Variants in CPN1 observed in about 807,000 individuals in gnomAD.
CPN1 encodes the protein carboxypeptidase N subunit 1.
In CPN1, 37 loss-of-function variants were observed where a neutral mutation model predicts 46.4. That is an observed-to-expected ratio of 0.80 (90% CI 0.61 to 1.05). The LOEUF (loss-of-function observed/expected upper bound fraction) is 1.05, where lower values mean the gene tolerates loss of function less well. Ranked by LOEUF, CPN1 falls within the 50% of genes least tolerant of loss-of-function variation. The probability of loss-of-function intolerance (pLI) is 0.00; values close to 1 mark genes in which losing one functional copy is unlikely to be tolerated. For missense variants in CPN1, 563 were observed against 602.6 expected, an observed-to-expected ratio of 0.93 and a Z score of 0.69; for synonymous variants, 224 against 235.4, an observed-to-expected ratio of 0.95 and a Z score of 0.44.
At chr10:100,054,520 C>A in intron 6 of CPN1, 74 bp from the exon 7 acceptor site, 2 of 1,230,478 alleles carry the variant, frequency 1.6e-6, no homozygotes, top group Non-Finnish European at 2.4e-6. Context: ...GTCTCAAAGC[C>A]CTTTCTCTTA....
intron 5 of CPN1, among the ~76,000 whole-genome samples, chr10:100,061,117 G>T (rs2041414752): frequency 6.6e-6 from 1 of 152,016 alleles, no homozygotes; most frequent in Non-Finnish European, 1.5e-5. Flanking sequence ...AATGGGGATG[G>T]TTAATAGATA....
chr10:100,077,254 G>A (rs2041520871), intron 1 of CPN1, among the ~76,000 whole-genome samples: 1 of 117,880 alleles, frequency 8.5e-6, no homozygotes, highest in Admixed American at 9.3e-5. Flanking sequence ...TTTTTGAGAT[G>A]GAGTCTCACT....
At chr10:100,069,459 C>T (rs1446748496) in intron 3 of CPN1, among the ~76,000 whole-genome samples, 5 of 145,594 alleles carry the variant, frequency 3.4e-5, no homozygotes, top group Admixed American at 1.4e-4. Context: ...CCAGCCTGGG[C>T]GACAGAGCGA....
chr10:100,081,365 C>T (rs2041543939), intron 1 of CPN1, 38 bp downstream of exon 1: 1 of 1,576,538 alleles, frequency 6.3e-7, no homozygotes, highest in Admixed American at 1.7e-5. Context: ...AGGGAAAGGC[C>T]CTGCCCCACA....
At chr10:100,058,390 A>G (rs1036953476) in intron 5 of CPN1, among the ~76,000 whole-genome samples, 1 of 152,128 alleles carries the variant, frequency 6.6e-6, no homozygotes, top group African/African-American at 2.4e-5. Context: ...ACACAATATT[A>G]ATCTGAAAAT....
intron 2 of CPN1, among the ~76,000 whole-genome samples, chr10:100,073,559 A>G (rs1411678765): frequency 6.6e-6 from 1 of 151,690 alleles, no homozygotes; most frequent in Admixed American, 6.6e-5. Context: ...GCCTAAAAGC[A>G]AGGTGTCTCT....
In CPN1 at chr10:100,057,088, G is replaced by T. The variant is rs2041388622; in HGVS notation, c.936C>A (p.Asp312Glu). The change falls in exon 6 of 9, where the codon GAC becomes GAA. Residue 312 changes from aspartate to glutamate, a missense_variant. Physicochemically the swap from Asp to Glu is conservative, Grantham distance 45 (BLOSUM62 2). Coordinates refer to ENST00000370418, the MANE Select transcript of CPN1 (RefSeq NM_001308.3). The stretch of plus-strand genomic sequence containing the variant: ...GTAACTCCTCTTCGGGGGGAAACTT[G>T]TCGCAACTCAGTTCCAGCGTGATCT... The part of the protein sequence containing the change: ...CFEITLELSC[D>E]KFPPEEELQR... 1 of 1,614,148 alleles carries T rather than the reference G, an allele frequency of 6.2e-7. No homozygotes were observed. The highest frequency in any genetic ancestry group is 1.1e-5 in the South Asian group (1 of 91,082).
intron 6 of CPN1, among the ~76,000 whole-genome samples, chr10:100,055,373 C>A (rs899843694): frequency 2.8e-4 from 42 of 150,760 alleles, no homozygotes; most frequent in Admixed American, 2.6e-3. Flanking sequence ...CCCTGGCAAC[C>A]ACCATTTTAT....
intron 7 of CPN1, 46 bp downstream of exon 7, chr10:100,054,301 G>T: frequency 7.0e-7 from 1 of 1,425,706 alleles, no homozygotes; most frequent in Non-Finnish European, 9.9e-7. Context: ...TGAAGAAGAT[G>T]CAGGAGTTAA....
At chr10:100,079,849 C>G (rs1031556916) in intron 1 of CPN1, among the ~76,000 whole-genome samples, 2 of 152,138 alleles carry the variant, frequency 1.3e-5, no homozygotes, top group Admixed American at 1.3e-4. Flanking sequence ...CTTTGGGAGG[C>G]CAAGGCGGGT....
At chr10:100,057,967 C>A (rs1014724274) in intron 5 of CPN1, among the ~76,000 whole-genome samples, 3 of 152,150 alleles carry the variant, frequency 2.0e-5, no homozygotes, top group Non-Finnish European at 4.4e-5. Context: ...AAACATTTAT[C>A]ATTTCTTTGT....
chr10:100,045,002 C>T lies in CPN1; in HGVS notation c.1231-2429G>A, dbSNP rs2041300113. 5.9e-5 allele frequency among the ~76,000 whole-genome samples: 9 copies of T among 152,330 alleles called. 1 individual carries two copies. In the South Asian group the frequency reaches 1.9e-3, roughly 32 times the overall value. Reference sequence around the variant, plus strand: ...CTGGGATTACAGGTGTGAACCACCACACCTGGGCAATATTTTTTTCCTTTT... The same window carrying T: ...CTGGGATTACAGGTGTGAACCACCATACCTGGGCAATATTTTTTTCCTTTT... On this transcript the variant is annotated intron_variant, in intron 8 of 8. Coordinates refer to ENST00000370418, the MANE Select transcript of CPN1 (RefSeq NM_001308.3).
chr10:100,045,398 A>C (rs2133423356), intron 8 of CPN1, among the ~76,000 whole-genome samples: 1 of 152,298 alleles, frequency 6.6e-6, no homozygotes, highest in African/African-American at 2.4e-5. Flanking sequence ...CATAGGCTGC[A>C]ATGAAAGATT....
intron 2 of CPN1, among the ~76,000 whole-genome samples, chr10:100,070,456 T>G (rs1027500093): frequency 6.6e-6 from 1 of 152,092 alleles, no homozygotes; most frequent in African/African-American, 2.4e-5. Flanking sequence ...CACTACAGCC[T>G]GGGTGACAGA....
At chr10:100,045,975 C>T (rs1181201171) in intron 8 of CPN1, among the ~76,000 whole-genome samples, 1 of 152,084 alleles carries the variant, frequency 6.6e-6, no homozygotes, top group Non-Finnish European at 1.5e-5. Flanking sequence ...TTATTTTGTC[C>T]TCATTTGAGA....
chr10:100,063,779 A>G (rs2041436319), intron 4 of CPN1, 54 bp from the exon 5 acceptor site: 2 of 1,363,242 alleles, frequency 1.5e-6, no homozygotes, highest in Non-Finnish European at 2.1e-6. Flanking sequence ...TCAAATGGCA[A>G]TGCTCCTACT....
At chr10:100,050,187 C>CG (rs558942218) in intron 7 of CPN1, among the ~76,000 whole-genome samples, 2,218 of 152,186 alleles carry the variant, frequency 0.015, 55 homozygotes, top group African/African-American at 0.051. Context: ...ACCCCCATCT[C>CG]TACTAAAAAT....
At chr10:100,050,415 A>G (rs1447055308) in intron 7 of CPN1, among the ~76,000 whole-genome samples, 1 of 152,172 alleles carries the variant, frequency 6.6e-6, no homozygotes, top group East Asian at 1.9e-4. Flanking sequence ...CTACAAAAAA[A>G]GGAATGGACT....
At chr10:100,050,721 C>T (rs1484111591) in intron 7 of CPN1, among the ~76,000 whole-genome samples, 1 of 152,166 alleles carries the variant, frequency 6.6e-6, no homozygotes, top group African/African-American at 2.4e-5. Flanking sequence ...AACTCCCAGA[C>T]TCAAGCAATT....
Sources: allele counts gnomAD v4.1 joint callset (sites outside exome capture counted in the v4.1 genomes callset), GRCh38; gene constraint gnomAD v4.1.1; transcripts MANE v1.5; gene names NCBI Gene and HGNC (gene_info 2026-07-23, HGNC 2026-07-21).